Variants in SUV39H2 observed in about 807,000 individuals in gnomAD.
The protein encoded by SUV39H2 is histone-lysine N-methyltransferase SUV39H2.
In SUV39H2, 10 loss-of-function variants were observed where a neutral mutation model predicts 47.5. The ratio of observed to expected loss-of-function variants is 0.21; its 90% CI spans 0.13 to 0.36. SUV39H2 has a LOEUF of 0.36. Among genes scored for constraint, SUV39H2 ranks in the 10% least tolerant of loss-of-function variants. The pLI, the probability that SUV39H2 is intolerant of heterozygous loss-of-function variation, is 1.00. For missense variants in SUV39H2, 266 were observed against 487.4 expected (o/e 0.55, Z 4.28); for synonymous variants, 159 against 166.8 (o/e 0.95, Z 0.36).
chr10:14,881,543 A>G lies in SUV39H2; in HGVS notation c.75A>G (p.Glu25=), dbSNP rs1470692535. 4 of 1,604,956 alleles carry G rather than the reference A, an allele frequency of 2.5e-6. No individual in the cohort carries two copies. The highest frequency in any genetic ancestry group is 1.7e-6 in the Non-Finnish European group (2 of 1,177,268). The part of the protein sequence containing the change: ...PCLVSLDTLQ[E]LCRKEKLTCK... ...TAGTTTCACTTGATACTCTTCAGGA[A>G]TTATGTAGAAAAGAAAAGCTCACAT... is the stretch of plus-strand genomic sequence containing the variant. Residue 25 remains glutamate (E), a synonymous_variant, in exon 2 of 6, where the codon GAA becomes GAG. Transcript: ENST00000354919.
At position 14,901,029 on chromosome 10, in the gene SUV39H2, T is replaced by C. The variant is rs140250571; in HGVS notation, c.997-104T>C. On this transcript the variant is annotated intron_variant, in intron 4 of 5. Transcript: ENST00000354919. ...AAGCAATAAGCAACTTAATTTCCAGTGGAACTTAAACTAAATCTCTAGGAA... is the reference window on the plus strand; with the variant it reads ...AAGCAATAAGCAACTTAATTTCCAGCGGAACTTAAACTAAATCTCTAGGAA... 853 of 1,451,032 alleles carry C rather than the reference T, an allele frequency of 5.9e-4. 3 individuals are homozygous for C. In the African/African-American group the frequency reaches 0.011, roughly 19 times the overall value. 89.9% of individuals were successfully genotyped at this position (1,451,032 alleles called of 1,614,324 possible).
intron 2 of SUV39H2, among the ~76,000 whole-genome samples, chr10:14,885,451 C>G (rs989965361): frequency 2.0e-5 from 3 of 152,176 alleles, no homozygotes; most frequent in African/African-American, 7.2e-5. Flanking sequence ...CCTGTTCATT[C>G]CTGCTGTGCT....
chr10:14,885,596 T>C (rs1484703987), intron 2 of SUV39H2, among the ~76,000 whole-genome samples: 1 of 152,230 alleles, frequency 6.6e-6, no homozygotes, highest in Non-Finnish European at 1.5e-5. Flanking sequence ...CTTCTTAGTC[T>C]TTCTCATCAG....
At chr10:14,901,014 CA>C (rs1833971664) in intron 4 of SUV39H2, 118 bp from the exon 5 acceptor site, 7 of 1,351,906 alleles carry the variant, frequency 5.2e-6, no homozygotes, top group Non-Finnish European at 7.1e-6. Flanking sequence ...AAGCAATAAG[CA>C]ACTTAATTTC....
Position 14,896,008 on chromosome 10 carries a change from A to G in SUV39H2, c.178-838A>G, listed in dbSNP as rs563892250. The stretch of plus-strand genomic sequence containing the variant: ...GCCCACGCTGGAGTGCAGTGGTGCA[A>G]TCTTGGCTCACTGCAACCTCTGCCT... On this transcript the variant is annotated intron_variant, in intron 2 of 5. Transcript: ENST00000354919. 1.5e-4 allele frequency among the ~76,000 whole-genome samples: 23 copies of G among 151,488 alleles called. No individual in the cohort carries two copies. The South Asian group carries it at 4.6e-3, about 30-fold the overall frequency.
intron 2 of SUV39H2, among the ~76,000 whole-genome samples, chr10:14,888,997 A>G (rs566857746): frequency 6.6e-6 from 1 of 151,656 alleles, no homozygotes; most frequent in Admixed American, 6.6e-5. Context: ...CAGCTACTTG[A>G]GAGGCTGAGG....
At chr10:14,888,210 T>C (rs773974840) in intron 2 of SUV39H2, among the ~76,000 whole-genome samples, 3 of 152,160 alleles carry the variant, frequency 2.0e-5, no homozygotes, top group African/African-American at 4.8e-5. Flanking sequence ...CAAGAGGCGA[T>C]TGCAGTAGCC....
intron 2 of SUV39H2, among the ~76,000 whole-genome samples, chr10:14,892,924 G>A (rs571697751): frequency 1.3e-5 from 2 of 149,466 alleles, no homozygotes; most frequent in Non-Finnish European, 3.0e-5. Context: ...GGTTCAAGCA[G>A]TTCTCCTGCC....
chr10:14,894,533 A>G (rs1404658004), intron 2 of SUV39H2, among the ~76,000 whole-genome samples: 1 of 111,436 alleles, frequency 9.0e-6, no homozygotes, highest in Non-Finnish European at 1.7e-5. Context: ...ACGCCCGGCT[A>G]ATTTTTTGTA....
chr10:14,899,717 C>A, intron 4 of SUV39H2, 32 bp downstream of exon 4: 1 of 1,609,912 alleles, frequency 6.2e-7, no homozygotes, highest in Non-Finnish European at 8.5e-7. Flanking sequence ...TTAGACACGA[C>A]TAACAATTCA....
rs116142802 is a variant in SUV39H2, at chr10:14,892,745, C to G, written c.178-4101C>G. Among the ~76,000 whole-genome samples the G allele has an allele frequency of 5.1e-3, 783 of 152,180 alleles. 5 individuals carry two copies. Among genetic ancestry groups the G allele is most frequent in the African/African-American group, 0.018 (734 of 41,524 alleles). ...CTATACCCCCTAGTGACCAAACGTT[C>G]ATATACTTATTATAGATCCTAAAAT... On this transcript the variant is annotated intron_variant, in intron 2 of 5. Coordinates refer to ENST00000354919, the MANE Select transcript of SUV39H2 (RefSeq NM_001193424.2).
In SUV39H2 at chr10:14,899,206, G is replaced by C. The variant is rs76797003; in HGVS notation, c.850-333G>C. Reference sequence around the variant, plus strand: ...CATGGCGGTATGCACCTGTGATCCAGCTAGTCAGGAGGCTGAGGCAGGAAG... The same window carrying C: ...CATGGCGGTATGCACCTGTGATCCACCTAGTCAGGAGGCTGAGGCAGGAAG... On this transcript the variant is annotated intron_variant, in intron 3 of 5. Transcript: ENST00000354919. The C allele has an allele frequency of 3.3e-3, 2,284 of 702,086 alleles. 10 individuals carry two copies. Among genetic ancestry groups the C allele is most frequent in the Non-Finnish European group, 4.9e-3 (1,878 of 384,782 alleles). 43.5% of individuals were successfully genotyped at this position (702,086 alleles called of 1,614,324 possible). A position where few individuals can be genotyped will look rare whatever the true frequency, so the allele number is the denominator to read the frequency against.
rs186353154 is a variant in SUV39H2, at chr10:14,904,218, T to G, written c.*1706T>G. 1.1e-4 allele frequency: 16 copies of G among 150,056 alleles called. No homozygotes were observed. Among genetic ancestry groups the G allele is most frequent in the African/African-American group, 3.9e-4 (16 of 40,714 alleles). The allele number at this position is 150,056 out of a possible 1,614,324, so 9.3% of individuals were successfully genotyped here. ...TACTCAGGAGGCTGAGGCAGGAGAATCACTTGAATTCAGGAGGCGGAGGTT... is the reference window on the plus strand; with the variant it reads ...TACTCAGGAGGCTGAGGCAGGAGAAGCACTTGAATTCAGGAGGCGGAGGTT... On this transcript the variant is annotated 3_prime_UTR_variant, in exon 6 of 6. Transcript: ENST00000354919.
In SUV39H2 at chr10:14,903,128, T is replaced by TTG. The variant is rs1326378916; in HGVS notation, c.*619_*620dup. ...TCGTATTTCGAAGCAATCTAGACTG[T>TTG]TGTGATGAGTGTATGTCTGAACCTG... is the stretch of plus-strand genomic sequence containing the variant. On this transcript the variant is annotated 3_prime_UTR_variant, in exon 6 of 6. Coordinates refer to ENST00000354919, the MANE Select transcript of SUV39H2 (RefSeq NM_001193424.2). The TTG allele has an allele frequency of 1.3e-5, 2 of 152,242 alleles. No homozygotes were observed. Among genetic ancestry groups the TTG allele is most frequent in the Non-Finnish European group, 2.9e-5 (2 of 68,058 alleles). 9.4% of individuals were successfully genotyped at this position (152,242 alleles called of 1,614,324 possible).
intron 2 of SUV39H2, among the ~76,000 whole-genome samples, chr10:14,890,357 A>G (rs957732882): frequency 1.1e-4 from 16 of 152,200 alleles, no homozygotes; most frequent in African/African-American, 3.4e-4. Flanking sequence ...TTCTCAGACT[A>G]TGCTCCCATG....
At chr10:14,880,542 G>C (rs1011391757) in intron 1 of SUV39H2, among the ~76,000 whole-genome samples, 5 of 152,212 alleles carry the variant, frequency 3.3e-5, no homozygotes, top group Non-Finnish European at 7.3e-5. Flanking sequence ...CGGTGACCGA[G>C]CGATGGGTAG....
chr10:14,893,378 C>T (rs541904875), intron 2 of SUV39H2, among the ~76,000 whole-genome samples: 5 of 152,216 alleles, frequency 3.3e-5, no homozygotes, highest in Admixed American at 6.5e-5. Context: ...GTGATTCACC[C>T]GCCTTGGCCG....
intron 2 of SUV39H2, among the ~76,000 whole-genome samples, chr10:14,892,728 C>T (rs928960387): frequency 6.6e-6 from 1 of 152,162 alleles, no homozygotes; most frequent in Non-Finnish European, 1.5e-5. Flanking sequence ...CCCTATACCC[C>T]CTAGTGACCA....
Position 14,881,398 on chromosome 10 carries a change from A to C in SUV39H2, c.32-102A>C, listed in dbSNP as rs564164821. On this transcript the variant is annotated intron_variant, in intron 1 of 5. Transcript: ENST00000354919. The stretch of plus-strand genomic sequence containing the variant: ...CTTGTCATAGGAATTTTTAGTCTAA[A>C]ATTGCCAGTTGAAAGATGGGGAATA... 28 of 1,046,452 alleles carry C rather than the reference A, an allele frequency of 2.7e-5. No individual in the cohort carries two copies. The South Asian group carries it at 1.0e-3, about 38-fold the overall frequency. 64.8% of individuals were successfully genotyped at this position (1,046,452 alleles called of 1,614,324 possible). A position where few individuals can be genotyped will look rare whatever the true frequency, so the allele number is the denominator to read the frequency against.
Sources: gnomAD v4.1 joint callset for allele counts (sites outside exome capture counted in the v4.1 genomes callset) on GRCh38, gnomAD v4.1.1 for gene constraint, MANE v1.5 for transcripts, NCBI Gene and HGNC (gene_info 2026-07-23, HGNC 2026-07-21) for gene names.